The following SDCBP variants were observed in gnomAD, a reference collection of about 807,000 sequenced individuals.
The protein encoded by SDCBP is syndecan binding protein.
Under a neutral mutation model 30.5 loss-of-function variants are expected in SDCBP, and 22 were observed. The observed-to-expected ratio is 0.72, with a 90% CI of 0.52 to 1.03. The LOEUF (loss-of-function observed/expected upper bound fraction) is 1.03. SDCBP is among the 50% of genes least tolerant of loss of function. The pLI is 0.00. For synonymous variants in SDCBP, 103 were observed against 118.7 expected, an observed-to-expected ratio of 0.87 and a Z score of 0.86; for missense variants, 304 against 369.9, an observed-to-expected ratio of 0.82 and a Z score of 1.46.
chr8:58,579,046 C>T (rs968853422), intron 6 of SDCBP, among the ~76,000 whole-genome samples: 2 of 152,182 alleles, frequency 1.3e-5, no homozygotes, highest in African/African-American at 4.8e-5. Context: ...GCTATAACAA[C>T]TCTAGAGGGA....
intron 1 of SDCBP, among the ~76,000 whole-genome samples, chr8:58,557,264 AATATTTATATTTAAAATATTTATATTTAG>A (rs932047696): frequency 3.8e-5 from 5 of 131,872 alleles, no homozygotes; most frequent in African/African-American, 1.2e-4. Context: ...TTTATATTTA[AATATTTATATTTAAAATATTTATATTTAG>A]ATATTTATAT....
intron 1 of SDCBP, among the ~76,000 whole-genome samples, chr8:58,561,972 A>G (rs1804462788): frequency 6.6e-6 from 1 of 152,146 alleles, no homozygotes; most frequent in Non-Finnish European, 1.5e-5. Flanking sequence ...TCAGCTTAAA[A>G]TAGGTTTATT....
intron 5 of SDCBP, chr8:58,576,361 G>T (rs1424868255): frequency 5.4e-6 from 1 of 186,316 alleles, no homozygotes; most frequent in Non-Finnish European, 1.1e-5. Context: ...CAATTAAATA[G>T]AGCAGATGTG....
chr8:58,580,256 A>C (rs1339242724), intron 7 of SDCBP, among the ~76,000 whole-genome samples: 1 of 152,204 alleles, frequency 6.6e-6, no homozygotes, highest in Non-Finnish European at 1.5e-5. Flanking sequence ...ATAAGAGGAG[A>C]TGGTAATATT....
Position 58,575,968 on chromosome 8 carries a change from T to C in SDCBP, c.309T>C (p.Ile103=). Residue 103 remains isoleucine, a synonymous_variant, in exon 5 of 9, where the codon ATT becomes ATC. Coordinates refer to ENST00000260130, the MANE Select transcript of SDCBP (RefSeq NM_005625.4). ...VAPVTGNDVG[I]RRAEIKQGIR... ...CTGTAACTGGTAATGATGTTGGAAT[T>C]CGTAGAGCAGAAATTAAGCAAGGGA... The C allele has an allele frequency of 1.9e-6, 3 of 1,613,692 alleles. No homozygotes were observed.
At chr8:58,576,983 C>T (rs4282557) in intron 5 of SDCBP, among the ~76,000 whole-genome samples, 50,561 of 151,848 alleles carry the variant, frequency 0.33, 8,564 homozygotes, top group East Asian at 0.55. Context: ...AATACATCTG[C>T]GTGCTTAGTT....
At chr8:58,556,755 G>A (rs568996792) in intron 1 of SDCBP, among the ~76,000 whole-genome samples, 1 of 150,512 alleles carries the variant, frequency 6.6e-6, no homozygotes, top group East Asian at 1.9e-4. Flanking sequence ...CTTCAAGGAG[G>A]TTACTCTTAT....
At chr8:58,573,893 G>A (rs1162679827) in intron 4 of SDCBP, among the ~76,000 whole-genome samples, 4 of 152,118 alleles carry the variant, frequency 2.6e-5, no homozygotes, top group Non-Finnish European at 5.9e-5. Context: ...TGAATTTCAT[G>A]TGACAACAAC....
At chr8:58,563,760 A>G (rs1804558735) in intron 1 of SDCBP, among the ~76,000 whole-genome samples, 1 of 152,180 alleles carries the variant, frequency 6.6e-6, no homozygotes, top group Non-Finnish European at 1.5e-5. Flanking sequence ...CACTAACTCT[A>G]GGGCTGTTCC....
chr8:58,578,680 GAACTTA>G (rs1202435570), intron 6 of SDCBP, among the ~76,000 whole-genome samples: 2 of 152,174 alleles, frequency 1.3e-5, no homozygotes, highest in African/African-American at 4.8e-5. Flanking sequence ...CATTCATTTA[GAACTTA>G]AACATTTAGC....
At chr8:58,571,046 T>A in intron 3 of SDCBP, 81 bp downstream of exon 3, 3 of 1,035,444 alleles carry the variant, frequency 2.9e-6, no homozygotes, top group Non-Finnish European at 4.3e-6. Context: ...TCCAAGATTT[T>A]TTTTTGGACA....
intron 4 of SDCBP, among the ~76,000 whole-genome samples, chr8:58,572,800 CTTTTTTTTTTT>C (rs947602204): frequency 6.0e-5 from 5 of 83,140 alleles, no homozygotes; most frequent in Non-Finnish European, 1.1e-4. Context: ...TGCTCATAAT[CTTTTTTTTTTT>C]TTTTTTTTTT....
At chr8:58,569,002 G>C (rs962412698) in intron 2 of SDCBP, among the ~76,000 whole-genome samples, 2 of 151,956 alleles carry the variant, frequency 1.3e-5, no homozygotes, top group Non-Finnish European at 2.9e-5. Context: ...AAGTAGCTGG[G>C]ACTACAGGCA....
chr8:58,574,028 CTTATTG>C (rs1197824097), intron 4 of SDCBP, among the ~76,000 whole-genome samples: 1 of 152,164 alleles, frequency 6.6e-6, no homozygotes, highest in African/African-American at 2.4e-5. Context: ...ATCACATATT[CTTATTG>C]TTATTTGTTT....
At position 58,576,006 on chromosome 8, in the gene SDCBP, T is replaced by C. The variant is rs764218169; in HGVS notation, c.347T>C (p.Ile116Thr). 12 of 1,613,650 alleles carry C rather than the reference T, an allele frequency of 7.4e-6. No homozygotes were observed. Among genetic ancestry groups the C allele is most frequent in the Non-Finnish European group, 1.0e-5 (12 of 1,179,776 alleles). The change falls in exon 5 of 9, where the codon ATT (isoleucine) becomes ACT (threonine). Residue 116 changes from isoleucine to threonine, a missense_variant. Ile to Thr is a moderately conservative substitution (Grantham distance 89). Transcript: ENST00000260130. ...ATTAAGCAAGGGATTCGTGAAGTCA[T>C]TTTGTGTAAGGATCAAGATGGAAAA... The part of the protein sequence containing the change: ...AEIKQGIREV[I>T]LCKDQDGKIG...
intron 6 of SDCBP, 128 bp downstream of exon 6, chr8:58,578,336 T>C: frequency 1.6e-6 from 1 of 615,720 alleles, no homozygotes; most frequent in African/African-American, 1.9e-5. Context: ...AGCCTTATAG[T>C]CTTGCAGTTG....
chr8:58,561,087 T>C (rs1563504617), intron 1 of SDCBP: 1 of 152,134 alleles, frequency 6.6e-6, no homozygotes, highest in Admixed American at 6.5e-5. Context: ...TTTGACCAAA[T>C]TGAAAGATTT....
intron 4 of SDCBP, among the ~76,000 whole-genome samples, chr8:58,573,062 C>A (rs1805121386): frequency 6.6e-6 from 1 of 152,108 alleles, no homozygotes; most frequent in African/African-American, 2.4e-5. Flanking sequence ...CCTGCCTCGA[C>A]CTCCCAGAGT....
At chr8:58,575,525 A>G (rs1230599293) in intron 4 of SDCBP, among the ~76,000 whole-genome samples, 1 of 152,234 alleles carries the variant, frequency 6.6e-6, no homozygotes, top group Non-Finnish European at 1.5e-5. Flanking sequence ...AAATTCTGAA[A>G]GGATAAGTAG....
Sources: allele counts gnomAD v4.1 joint callset (sites outside exome capture counted in the v4.1 genomes callset), GRCh38; gene constraint gnomAD v4.1.1; transcripts MANE v1.5; gene names NCBI Gene and HGNC (gene_info 2026-07-23, HGNC 2026-07-21).